The following EML6 variants were observed in gnomAD, a reference collection of about 807,000 sequenced individuals.
EML6 encodes the protein EMAP like 6, also known as echinoderm microtubule-associated protein-like 6.
In EML6, 154 loss-of-function variants were observed where a neutral mutation model predicts 240.1. The observed-to-expected ratio is 0.64, with a 90% CI of 0.56 to 0.73. EML6 has a LOEUF of 0.73. Ranked by LOEUF, EML6 falls within the 30% of genes least tolerant of loss-of-function variation. The pLI, the probability that EML6 is intolerant of heterozygous loss-of-function variation, is 0.00. For missense variants in EML6, 2,964 were observed against 2,474.6 expected (o/e 1.20, Z -4.20); for synonymous variants, 1,148 against 899.0 (o/e 1.28, Z -4.95).
rs1310137167 is a variant in EML6 at position 54,724,989 on chromosome 2, C to T, written c.-73C>T. On this transcript the variant is annotated 5_prime_UTR_variant, in exon 2 of 42. Coordinates refer to ENST00000356458, the MANE Select transcript of EML6 (RefSeq NM_001039753.4). The surrounding 1 kb of genome is among the most constrained non-coding windows in gnomAD (Gnocchi z 5.2). ...GCCGCGCGCTGAGCCCCTGCAGGTC[C>T]GCCGCAGCCCCAGCCTCGGCGAGGA... is the stretch of plus-strand genomic sequence containing the variant. 7.8e-7 allele frequency: 1 copy of T among 1,277,666 alleles called. No homozygotes were observed. The highest frequency in any genetic ancestry group is 1.0e-6 in the Non-Finnish European group (1 of 1,001,032). 79.1% of individuals were successfully genotyped at this position (1,277,666 alleles called of 1,614,324 possible).
At chr2:54,879,910 T>TTACACAG in intron 17 of EML6, 1 of 344,050 alleles carries the variant, frequency 2.9e-6, no homozygotes, top group Non-Finnish European at 5.2e-6. Flanking sequence ...GTAATCTGTA[T>TTACACAG]CAAAGCACTT....
chr2:54,962,081 T>C (rs1676544092), intron 35 of EML6, among the ~76,000 whole-genome samples: 1 of 135,250 alleles, frequency 7.4e-6, no homozygotes, highest in Non-Finnish European at 1.5e-5. Context: ...CTCAAGTTAC[T>C]TGTTTTTTTT....
intron 35 of EML6, among the ~76,000 whole-genome samples, chr2:54,961,184 G>GTT (rs575621987): frequency 9.0e-5 from 5 of 55,416 alleles, no homozygotes; most frequent in East Asian, 6.4e-4. Context: ...TCAGGAAGTA[G>GTT]TTTTTTTTTT....
At chr2:54,788,576 G>C (rs1353359705) in intron 2 of EML6, among the ~76,000 whole-genome samples, 3 of 152,172 alleles carry the variant, frequency 2.0e-5, no homozygotes, top group Non-Finnish European at 4.4e-5. Flanking sequence ...GAGACCTCAA[G>C]ACCAAGTTAG....
chr2:54,788,896 G>T (rs1308004052), intron 2 of EML6, among the ~76,000 whole-genome samples: 1 of 152,118 alleles, frequency 6.6e-6, no homozygotes, highest in Non-Finnish European at 1.5e-5. Flanking sequence ...TGACTGGTTG[G>T]AGTTCCATAG....
rs776337162 is a variant in EML6, at chr2:54,970,287, C to T, written c.*192C>T. The T allele has an allele frequency of 2.3e-5, 14 of 619,042 alleles. No individual in the cohort carries two copies. Among genetic ancestry groups the T allele is most frequent in the East Asian group, 1.1e-4 (4 of 35,980 alleles). The allele number at this position is 619,042 out of a possible 1,614,324, so 38.3% of individuals were successfully genotyped here. A position where few individuals can be genotyped will look rare whatever the true frequency, so the allele number is the denominator to read the frequency against. ...TGGACTCTCCAAAACCGTGATGCCACGAAGGAAGGTCAAGTTTTAAAATGT... is the reference window on the plus strand; with the variant it reads ...TGGACTCTCCAAAACCGTGATGCCATGAAGGAAGGTCAAGTTTTAAAATGT... On this transcript the variant is annotated 3_prime_UTR_variant, in exon 42 of 42. Transcript: ENST00000356458.
intron 2 of EML6, among the ~76,000 whole-genome samples, chr2:54,780,316 T>C (rs1435694404): frequency 6.6e-6 from 1 of 152,258 alleles, no homozygotes; most frequent in African/African-American, 2.4e-5. Flanking sequence ...GACTAGATTG[T>C]TCAAAAATCA....
intron 24 of EML6, among the ~76,000 whole-genome samples, chr2:54,905,426 G>A (rs1273086291): frequency 1.4e-5 from 2 of 146,300 alleles, no homozygotes; most frequent in African/African-American, 5.1e-5. Context: ...TGACTATTAG[G>A]GATTAAAACC....
intron 16 of EML6, among the ~76,000 whole-genome samples, chr2:54,877,052 G>A (rs1671544276): frequency 6.6e-6 from 1 of 151,364 alleles, no homozygotes; most frequent in African/African-American, 2.4e-5. Context: ...GCATGATCAT[G>A]GCTCACTGCA....
intron 2 of EML6, among the ~76,000 whole-genome samples, chr2:54,779,639 A>G (rs1313428360): frequency 2.0e-5 from 3 of 151,844 alleles, no homozygotes; most frequent in African/African-American, 7.3e-5. Context: ...AGGCAGGTCG[A>G]TCGCTTGAGC....
chr2:54,784,206 A>C (rs922206318), intron 2 of EML6, among the ~76,000 whole-genome samples: 3 of 152,238 alleles, frequency 2.0e-5, no homozygotes, highest in African/African-American at 4.8e-5. Context: ...TCAGCCTCCC[A>C]AAGTGTTGGG....
chr2:54,773,831 A>G (rs1317393443), intron 2 of EML6, among the ~76,000 whole-genome samples: 1 of 152,214 alleles, frequency 6.6e-6, no homozygotes, highest in Non-Finnish European at 1.5e-5. Flanking sequence ...GTATCACAGA[A>G]TTTTCTCCCA....
intron 25 of EML6, among the ~76,000 whole-genome samples, chr2:54,912,899 A>T (rs564647285): frequency 4.5e-4 from 68 of 152,240 alleles, no homozygotes; most frequent in African/African-American, 1.6e-3. Context: ...TGGTAGAACA[A>T]TTCCTTTTCT....
intron 2 of EML6, among the ~76,000 whole-genome samples, chr2:54,797,169 A>AAAAAAAAAAAAAAAAC (rs1669842640): frequency 1.5e-5 from 2 of 133,530 alleles, no homozygotes; most frequent in South Asian, 2.4e-4. Flanking sequence ...CATCTCAAAA[A>AAAAAAAAAAAAAAAAC]AAAAAAAAAA....
intron 38 of EML6, among the ~76,000 whole-genome samples, chr2:54,966,404 T>C (rs533439314): frequency 5.9e-5 from 9 of 152,318 alleles, no homozygotes; most frequent in African/African-American, 2.2e-4. Context: ...GAGAGGAAGC[T>C]GAACAGGAAG....
At chr2:54,752,081 G>T (rs1684201647) in intron 2 of EML6, among the ~76,000 whole-genome samples, 1 of 152,130 alleles carries the variant, frequency 6.6e-6, no homozygotes, top group Non-Finnish European at 1.5e-5. Context: ...AGCATGTCTA[G>T]CGTGCCAGTG....
intron 2 of EML6, among the ~76,000 whole-genome samples, chr2:54,737,636 T>TG (rs1438839651): frequency 1.1e-4 from 17 of 152,220 alleles, no homozygotes; most frequent in African/African-American, 3.4e-4. Context: ...TCTTACCCAC[T>TG]GCCTCTTCCC....
At chr2:54,823,890 C>G (rs1004211654) in intron 5 of EML6, among the ~76,000 whole-genome samples, 44 of 150,606 alleles carry the variant, frequency 2.9e-4, no homozygotes, top group East Asian at 1.9e-4. Context: ...CTGTCTCTCT[C>G]TCTCTCTCTC....
intron 7 of EML6, among the ~76,000 whole-genome samples, chr2:54,839,913 T>C (rs963948960): frequency 2.0e-5 from 3 of 152,236 alleles, no homozygotes; most frequent in Non-Finnish European, 4.4e-5. Flanking sequence ...TATATAGATA[T>C]ATATTTAATG....
Sources: gnomAD v4.1 joint callset for allele counts (sites outside exome capture counted in the v4.1 genomes callset) on GRCh38, gnomAD v4.1.1 for gene constraint, Gnocchi (gnomAD v3.1) non-coding constraint, MANE v1.5 for transcripts, NCBI Gene and HGNC (gene_info 2026-07-23, HGNC 2026-07-21) for gene names.